WIF1: variants seen among roughly 807,000 people sequenced by gnomAD.
WIF1 encodes Wnt inhibitory factor 1.
Under a neutral mutation model 53.5 loss-of-function variants are expected in WIF1, and 35 were observed. The observed-to-expected ratio is 0.65, with a 90% CI of 0.50 to 0.87. The LOEUF (loss-of-function observed/expected upper bound fraction) is 0.87, where lower values mean the gene tolerates loss of function less well. WIF1 is among the 40% of genes least tolerant of loss of function. The pLI, the probability that WIF1 is intolerant of heterozygous loss-of-function variation, is 0.00. For synonymous variants in WIF1, 171 were observed against 170.4 expected (o/e 1.00, Z -0.03); for missense variants, 467 against 476.8 (o/e 0.98, Z 0.19).
chr12:65,051,230 C>T lies in WIF1; in HGVS notation c.*119G>A. The T allele has an allele frequency of 7.9e-7, 1 of 1,270,380 alleles. No homozygotes were observed. The highest frequency in any genetic ancestry group is 1.8e-5 in the South Asian group (1 of 55,640). The allele number at this position is 1,270,380 out of a possible 1,614,324, so 78.7% of individuals were successfully genotyped here. On this transcript the variant is annotated 3_prime_UTR_variant, in exon 10 of 10. Transcript: ENST00000286574. ...ATCAGCTCAGTGATTTATAATGAAG[C>T]TAATAAAATTCAGGCCAGTATTCTT...
At chr12:65,086,509 G>C (rs1242506461) in intron 2 of WIF1, among the ~76,000 whole-genome samples, 1 of 152,116 alleles carries the variant, frequency 6.6e-6, no homozygotes, top group South Asian at 2.1e-4. Flanking sequence ...TAAACAGGAG[G>C]TGTGGAAAAA....
At chr12:65,068,991 G>A in intron 3 of WIF1, 87 bp from the exon 4 acceptor site, 1 of 1,436,246 alleles carries the variant, frequency 7.0e-7, no homozygotes, top group Admixed American at 2.1e-5. Context: ...AGAGTCAAAG[G>A]ACAAAGCAAA....
chr12:65,059,020 C>G (rs1364714950), intron 7 of WIF1, among the ~76,000 whole-genome samples: 1 of 151,690 alleles, frequency 6.6e-6, no homozygotes, highest in Non-Finnish European at 1.5e-5. Context: ...CCACTGCACT[C>G]CAGCCTAGGT....
chr12:65,050,871 T>C lies in WIF1; in HGVS notation c.*478A>G. 4.7e-6 allele frequency: 1 copy of C among 213,862 alleles called. No homozygotes were observed. The highest frequency in any genetic ancestry group is 9.4e-6 in the Non-Finnish European group (1 of 106,052). The allele number at this position is 213,862 out of a possible 1,614,324, so 13.2% of individuals were successfully genotyped here. A position where few individuals can be genotyped will look rare whatever the true frequency, so the allele number is the denominator to read the frequency against. ...ATAATGGTAAGGTCAAAATATATTG[T>C]ATTGAGAGTTTAAAAATTAAGAGCA... On this transcript the variant is annotated 3_prime_UTR_variant, in exon 10 of 10. Transcript: ENST00000286574.
At chr12:65,081,841 A>G (rs1565754202) in intron 2 of WIF1, among the ~76,000 whole-genome samples, 1 of 151,794 alleles carries the variant, frequency 6.6e-6, no homozygotes. Flanking sequence ...CTAACTTCAC[A>G]CTGGGAAGTT....
At chr12:65,108,726 C>T (rs547120216) in intron 2 of WIF1, among the ~76,000 whole-genome samples, 172 of 152,224 alleles carry the variant, frequency 1.1e-3, no homozygotes, top group African/African-American at 4.0e-3. Context: ...GTCAAGCATC[C>T]CATCATCTAC....
intron 2 of WIF1, among the ~76,000 whole-genome samples, chr12:65,118,039 C>T (rs1376452497): frequency 6.6e-6 from 1 of 152,188 alleles, no homozygotes; most frequent in African/African-American, 2.4e-5. Flanking sequence ...AAGTAAATAA[C>T]ACCTTACTGC....
chr12:65,065,572 TA>T (rs1034654860), intron 6 of WIF1, among the ~76,000 whole-genome samples: 1 of 152,106 alleles, frequency 6.6e-6, no homozygotes, highest in African/African-American at 2.4e-5. Flanking sequence ...AGCTTTCCTT[TA>T]AAAAACAACA....
chr12:65,110,545 T>A (rs925744826), intron 2 of WIF1, among the ~76,000 whole-genome samples: 1 of 152,344 alleles, frequency 6.6e-6, no homozygotes, highest in African/African-American at 2.4e-5. Flanking sequence ...TTCACACTTA[T>A]CAGAGCAAGG....
intron 2 of WIF1, among the ~76,000 whole-genome samples, chr12:65,096,935 C>T (rs999119616): frequency 8.0e-5 from 12 of 150,758 alleles, no homozygotes; most frequent in South Asian, 4.2e-4. Context: ...ACCTAGATGA[C>T]GGGTTGATAG....
chr12:65,052,914 T>C (rs568754555), intron 9 of WIF1, among the ~76,000 whole-genome samples: 10 of 152,316 alleles, frequency 6.6e-5, no homozygotes, highest in Admixed American at 3.9e-4. Context: ...CCCCTCTTCA[T>C]CACTTGTGGG....
chr12:65,065,050 CA>C (rs1882667530), intron 6 of WIF1, among the ~76,000 whole-genome samples: 1 of 152,286 alleles, frequency 6.6e-6, no homozygotes, highest in South Asian at 2.1e-4. Context: ...ATTTTACTCA[CA>C]GGCTGTTAAT....
chr12:65,072,872 T>C (rs3782499), intron 3 of WIF1, among the ~76,000 whole-genome samples: 10,080 of 152,256 alleles, frequency 0.066, 485 homozygotes, highest in East Asian at 0.18. Context: ...TGAATTCCAG[T>C]GCAGAATAGG....
chr12:65,109,874 G>T (rs187032757), intron 2 of WIF1, among the ~76,000 whole-genome samples: 1 of 152,122 alleles, frequency 6.6e-6, no homozygotes, highest in African/African-American at 2.4e-5. Context: ...AAGAGTGCCC[G>T]GCTCAGAGTA....
chr12:65,090,504 T>C (rs1315754461), intron 2 of WIF1, among the ~76,000 whole-genome samples: 1 of 152,094 alleles, frequency 6.6e-6, no homozygotes, highest in Non-Finnish European at 1.5e-5. Flanking sequence ...GAGACTGTGA[T>C]AAAGGGCTTC....
At chr12:65,056,184 T>TA (rs1288326227) in intron 7 of WIF1, 58 bp from the exon 8 acceptor site, 2 of 1,516,962 alleles carry the variant, frequency 1.3e-6, no homozygotes, top group African/African-American at 1.4e-5. Context: ...CAGAGGTAAT[T>TA]ACATTTTTCA....
chr12:65,098,671 T>C (rs1883239406), intron 2 of WIF1, among the ~76,000 whole-genome samples: 2 of 152,090 alleles, frequency 1.3e-5, no homozygotes, highest in Non-Finnish European at 2.9e-5. Flanking sequence ...TGTGTGTGTG[T>C]GTAATGGATA....
intron 2 of WIF1, among the ~76,000 whole-genome samples, chr12:65,097,755 A>C (rs530173078): frequency 1.3e-5 from 2 of 152,328 alleles, no homozygotes; most frequent in South Asian, 4.1e-4. Context: ...ATCTTTCCAC[A>C]GAACTCTTTC....
At chr12:65,096,254 A>G (rs1287506459) in intron 2 of WIF1, among the ~76,000 whole-genome samples, 1 of 152,226 alleles carries the variant, frequency 6.6e-6, no homozygotes, top group Non-Finnish European at 1.5e-5. Flanking sequence ...GCTGATAAAT[A>G]TATAAAAATA....
Sources: allele counts gnomAD v4.1 joint callset (sites outside exome capture counted in the v4.1 genomes callset), GRCh38; gene constraint gnomAD v4.1.1; transcripts MANE v1.5; gene names NCBI Gene and HGNC (gene_info 2026-07-23, HGNC 2026-07-21).